CLCN7: variants seen among roughly 807,000 people sequenced by gnomAD.
CLCN7 encodes the protein H(+)/Cl(-) exchange transporter 7.
Under a neutral mutation model 102.1 loss-of-function variants are expected in CLCN7, and 60 were observed. That is an observed-to-expected ratio of 0.59 (90% CI 0.48 to 0.73). CLCN7 has a LOEUF of 0.73. CLCN7 is among the 30% of genes least tolerant of loss of function. The pLI is 0.00. For missense variants in CLCN7, 962 were observed against 1,125.7 expected, an observed-to-expected ratio of 0.85 and a Z score of 2.08; for synonymous variants, 560 against 490.5, an observed-to-expected ratio of 1.14 and a Z score of -1.87.
Position 1,447,643 on chromosome 16 carries a change from C to G in CLCN7, c.2073+12G>C, listed in dbSNP as rs762257723. ...CCCCCACCCGCCCAATGGCCCGGAG[C>G]CTGGCACGCACCTTGTGCTTTAGGA... On this transcript the variant is annotated intron_variant, in intron 22 of 24. Coordinates refer to ENST00000382745, the MANE Select transcript of CLCN7 (RefSeq NM_001287.6). The G allele has an allele frequency of 3.9e-6, 6 of 1,554,044 alleles. No homozygotes were observed. The highest frequency in any genetic ancestry group is 1.2e-5 in the South Asian group (1 of 84,300).
At chr16:1,473,473 AAT>A (rs1419626698) in intron 1 of CLCN7, among the ~76,000 whole-genome samples, 8,799 of 137,852 alleles carry the variant, frequency 0.064, 304 homozygotes, top group Non-Finnish European at 0.087. Context: ...TCCCGGGTTC[AAT>A]TGATTCTCCT....
At chr16:1,466,923 CAAAAAAAAAAAAAAAAAAAAAA>C (rs34453480) in intron 1 of CLCN7, 1 of 39,914 alleles carries the variant, frequency 2.5e-5, no homozygotes, top group African/African-American at 8.4e-5. Flanking sequence ...GACTCTGTCT[CAAAAAAAAAAAAAAAAAAAAAA>C]AAAAAAAAAG....
At chr16:1,460,030 G>C (rs2038908283) in intron 6 of CLCN7, among the ~76,000 whole-genome samples, 1 of 152,176 alleles carries the variant, frequency 6.6e-6, no homozygotes, top group African/African-American at 2.4e-5. Context: ...ACACACGTTG[G>C]GGCCCCAGGG....
At chr16:1,452,263 C>T (rs1313982352) in intron 15 of CLCN7, 1 of 236,542 alleles carries the variant, frequency 4.2e-6, no homozygotes, top group Non-Finnish European at 8.5e-6. Flanking sequence ...TGCTGGGCCT[C>T]TAGGCTCTCC....
chr16:1,461,828 C>T (rs1330059343), intron 2 of CLCN7, among the ~76,000 whole-genome samples, 154 bp from the exon 3 acceptor site: 11 of 152,050 alleles, frequency 7.2e-5, no homozygotes, highest in Admixed American at 6.6e-4. Flanking sequence ...CTGACACCTA[C>T]AATCCCAGCA....
Position 1,451,661 on chromosome 16 carries a change from G to A in CLCN7, c.1409C>T (p.Pro470Leu), listed in dbSNP as rs761401489. The A allele has an allele frequency of 3.7e-6, 6 of 1,612,572 alleles. No individual in the cohort carries two copies. The highest frequency in any genetic ancestry group is 4.2e-6 in the Non-Finnish European group (5 of 1,179,946). ...NSMAAAFFNT[P>L]EKSVVSLFHD... ...GAAGAGGCTCACCACGCTCTTCTCCGGGGTGTTGAAGAAGGCCGCAGCCAT... is the reference window on the plus strand; with the variant it reads ...GAAGAGGCTCACCACGCTCTTCTCCAGGGTGTTGAAGAAGGCCGCAGCCAT... Residue 470 changes from proline (P) to leucine (L), a missense_variant, in exon 16 of 25, where the codon CCG becomes CTG. Around this residue, in one of 2 missense-constraint regions of CLCN7, gnomAD observed 799 missense variants for 988.0 expected, o/e 0.81. Coordinates refer to ENST00000382745, the MANE Select transcript of CLCN7 (RefSeq NM_001287.6).
At chr16:1,469,701 T>C (rs1240671943) in intron 1 of CLCN7, among the ~76,000 whole-genome samples, 2 of 151,756 alleles carry the variant, frequency 1.3e-5, no homozygotes, top group Non-Finnish European at 2.9e-5. Context: ...AAAACAAAAA[T>C]AAACAAAAAA....
intron 19 of CLCN7, 63 bp downstream of exon 19, chr16:1,448,903 A>C: frequency 6.2e-7 from 1 of 1,606,420 alleles, no homozygotes; most frequent in Non-Finnish European, 8.5e-7. Flanking sequence ...GGAGGCTCAC[A>C]GGGGCCCCTC....
chr16:1,447,860 A>G, intron 21 of CLCN7, 146 bp from the exon 22 acceptor site: 1 of 879,496 alleles, frequency 1.1e-6, no homozygotes, highest in Non-Finnish European at 1.8e-6. Context: ...TGCTCACACC[A>G]GCCTCGCCAT....
At chr16:1,455,895 G>C in intron 10 of CLCN7, 100 bp from the exon 11 acceptor site, 1 of 1,353,190 alleles carries the variant, frequency 7.4e-7, no homozygotes, top group Non-Finnish European at 1.0e-6. Context: ...GACCACGTCA[G>C]AAAGAAGCTA....
In CLCN7 at chr16:1,445,065, TTTC is replaced by T. The variant is rs2038612244; in HGVS notation, c.*1563_*1565del. On this transcript the variant is annotated 3_prime_UTR_variant, in exon 25 of 25. Coordinates refer to ENST00000382745, the MANE Select transcript of CLCN7 (RefSeq NM_001287.6). ...GGCGCCGACTCTGAGGCCCGGGAGT[TTTC>T]TTCTTGCGTCACCCCAGCGTGGGCA... 6.6e-6 allele frequency: 1 copy of T among 152,166 alleles called. No homozygotes were observed. The highest frequency in any genetic ancestry group is 2.4e-5 in the African/African-American group (1 of 41,410). The allele number at this position is 152,166 out of a possible 1,614,324, so 9.4% of individuals were successfully genotyped here.
intron 21 of CLCN7, 91 bp from the exon 22 acceptor site, chr16:1,447,805 G>A (rs933188849): frequency 3.5e-5 from 50 of 1,412,048 alleles, no homozygotes; most frequent in South Asian, 9.9e-5. Flanking sequence ...ACCCTGTTCC[G>A]GCCAGATTTC....
At chr16:1,459,593 GCTC>G in intron 6 of CLCN7, among the ~76,000 whole-genome samples, 1 of 60,232 alleles carries the variant, frequency 1.7e-5, no homozygotes, top group South Asian at 6.5e-4. Context: ...GGGAAGGGGA[GCTC>G]AGCACACACT....
chr16:1,471,495 G>A (rs2039077256), intron 1 of CLCN7: 1 of 152,368 alleles, frequency 6.6e-6, no homozygotes, highest in South Asian at 2.1e-4. Flanking sequence ...CCACCAGTCA[G>A]AGCAGACCCT....
In CLCN7 at chr16:1,452,758, C is replaced by T; in HGVS notation, c.1350G>A (p.Leu450=). The change falls in exon 15 of 25, where the codon CTG becomes CTA. Residue 450 remains leucine, a synonymous_variant. Coordinates refer to ENST00000382745, the MANE Select transcript of CLCN7 (RefSeq NM_001287.6). ...CCGCCCGGGCCCAGCCTCCCACCTG[C>T]AGCGGGTAGGACATGGAGCCCCCCT... The part of the protein sequence containing the change: ...PLQGGSMSYP[L]QLFCADGEYN... The T allele has an allele frequency of 1.3e-6, 2 of 1,597,136 alleles. No homozygotes were observed. The highest frequency in any genetic ancestry group is 1.7e-6 in the Non-Finnish European group (2 of 1,172,378).
intron 6 of CLCN7, 55 bp from the exon 7 acceptor site, chr16:1,459,242 G>A: frequency 7.3e-7 from 1 of 1,367,728 alleles, no homozygotes; most frequent in Non-Finnish European, 1.0e-6. Context: ...GACAGATGCA[G>A]CCCCTCAGCC....
At chr16:1,464,084 A>T (rs551392896) in intron 2 of CLCN7, among the ~76,000 whole-genome samples, 2 of 152,224 alleles carry the variant, frequency 1.3e-5, no homozygotes, top group South Asian at 4.1e-4. Context: ...TTTTTTAATT[A>T]AATAAATTTG....
At position 1,448,490 on chromosome 16, in the gene CLCN7, G is replaced by A. The variant is rs570339629; in HGVS notation, c.1884-6C>T. ...CTGGTGTGCTCATCACCTCCCTGCC[G>A]GAGGAGCCCGGCCACACATGCCCGT... On this transcript the variant is annotated splice_region_variant and splice_polypyrimidine_tract_variant and intron_variant, in intron 20 of 24. Transcript: ENST00000382745. 2.5e-5 allele frequency: 40 copies of A among 1,608,122 alleles called. No homozygotes were observed. The highest frequency in any genetic ancestry group is 3.3e-4 in the Middle Eastern group (2 of 6,032).
At chr16:1,468,498 T>C (rs1013789749) in intron 1 of CLCN7, among the ~76,000 whole-genome samples, 1 of 152,224 alleles carries the variant, frequency 6.6e-6, no homozygotes, top group Non-Finnish European at 1.5e-5. Flanking sequence ...GTGCGGTTAC[T>C]TTCTTTTTTA....
Sources: gnomAD v4.1 joint callset for allele counts (sites outside exome capture counted in the v4.1 genomes callset) on GRCh38, gnomAD v4.1.1 for gene constraint, gnomAD v4.1.1 regional missense constraint, MANE v1.5 for transcripts, NCBI Gene and HGNC (gene_info 2026-07-23, HGNC 2026-07-21) for gene names.